EPB41L4A: variants seen among roughly 807,000 people sequenced by gnomAD.
The protein encoded by EPB41L4A is erythrocyte membrane protein band 4.1 like 4A, also known as band 4.1-like protein 4A.
A neutral mutation model predicts 108.6 loss-of-function variants in EPB41L4A; 100 were observed. The ratio of observed to expected loss-of-function variants is 0.92; its 90% CI spans 0.78 to 1.09. EPB41L4A has a LOEUF of 1.09. EPB41L4A is among the 50% of genes least tolerant of loss of function. The probability of loss-of-function intolerance (pLI) is 0.00; values close to 1 mark genes in which losing one functional copy is unlikely to be tolerated. For synonymous variants in EPB41L4A, 319 were observed against 289.0 expected, an observed-to-expected ratio of 1.10 and a Z score of -1.05; for missense variants, 1,030 against 842.7, an observed-to-expected ratio of 1.22 and a Z score of -2.75.
intron 1 of EPB41L4A, among the ~76,000 whole-genome samples, chr5:112,414,026 T>C (rs1167588811): frequency 1.3e-5 from 2 of 152,226 alleles, no homozygotes; most frequent in African/African-American, 4.8e-5. Context: ...CTGTACATCA[T>C]TTCTCTTCAT....
At chr5:112,419,451 A>C, upstream of EPB41L4A, 1 of 358,226 alleles carries the variant, frequency 2.8e-6, no homozygotes, top group Non-Finnish European at 5.5e-6. Context: ...GCCTTGGAAA[A>C]CCCTGGAAGC....
At chr5:112,374,994 A>G (rs990466297) in intron 1 of EPB41L4A, among the ~76,000 whole-genome samples, 1 of 152,180 alleles carries the variant, frequency 6.6e-6, no homozygotes, top group Non-Finnish European at 1.5e-5. Context: ...AACTCCAGCT[A>G]CACGTAACAA....
chr5:112,184,503 T>C (rs1478779092), intron 17 of EPB41L4A, among the ~76,000 whole-genome samples: 1 of 152,226 alleles, frequency 6.6e-6, no homozygotes, highest in Non-Finnish European at 1.5e-5. Flanking sequence ...TTAAATGTGC[T>C]AGTCAAAATA....
intron 7 of EPB41L4A, among the ~76,000 whole-genome samples, chr5:112,260,884 A>G (rs374076281): frequency 1.4e-4 from 22 of 152,360 alleles, no homozygotes; most frequent in South Asian, 1.0e-3. Flanking sequence ...TTCAGTTCTT[A>G]AAATTCAAAT....
At chr5:112,347,338 A>C (rs983492651) in intron 1 of EPB41L4A, among the ~76,000 whole-genome samples, 2 of 152,228 alleles carry the variant, frequency 1.3e-5, no homozygotes, top group Non-Finnish European at 2.9e-5. Flanking sequence ...TAAAAAGATA[A>C]GGAAAATGCA....
chr5:112,385,679 G>C (rs1428402287), intron 1 of EPB41L4A, among the ~76,000 whole-genome samples: 1 of 152,152 alleles, frequency 6.6e-6, no homozygotes, highest in Non-Finnish European at 1.5e-5. Flanking sequence ...AACATGTTAA[G>C]AGAGACTCCA....
At position 112,266,187 on chromosome 5, in the gene EPB41L4A, C is replaced by T. The variant is rs770668970; in HGVS notation, c.433+46G>A. On this transcript the variant is annotated intron_variant, in intron 5 of 22. Transcript: ENST00000261486. ...AAACTCCCTTTTAAAAATGCAAATA[C>T]TTTCTCCAGACATTTCTGAGGCAAA... The T allele has an allele frequency of 1.2e-5, 17 of 1,370,756 alleles. No individual in the cohort carries two copies. The African/African-American group carries it at 2.3e-4, about 19-fold the overall frequency. The allele number at this position is 1,370,756 out of a possible 1,614,324, so 84.9% of individuals were successfully genotyped here. A position where few individuals can be genotyped will look rare whatever the true frequency, so the allele number is the denominator to read the frequency against.
At chr5:112,298,377 G>A (rs912958179) in intron 2 of EPB41L4A, among the ~76,000 whole-genome samples, 9 of 152,066 alleles carry the variant, frequency 5.9e-5, no homozygotes, top group Admixed American at 5.9e-4. Context: ...CAATTTTGCT[G>A]AGGGTTTTAA....
At chr5:112,153,796 TA>T (rs1759557349) in intron 12 of EPB41L4A, among the ~76,000 whole-genome samples, 1 of 151,200 alleles carries the variant, frequency 6.6e-6, no homozygotes, top group Non-Finnish European at 1.5e-5. Context: ...AGAATATTTA[TA>T]AAAAGTAACC....
At chr5:112,389,978 A>C (rs900384807) in intron 1 of EPB41L4A, among the ~76,000 whole-genome samples, 16 of 152,216 alleles carry the variant, frequency 1.1e-4, no homozygotes, top group African/African-American at 3.6e-4. Flanking sequence ...ACCAATGCCA[A>C]ACTTCCAAAA....
chr5:112,298,110 G>C (rs1754125087), intron 2 of EPB41L4A, among the ~76,000 whole-genome samples: 1 of 152,092 alleles, frequency 6.6e-6, no homozygotes, highest in African/African-American at 2.4e-5. Context: ...GGCTACGCAG[G>C]CTCTTTTTTG....
intron 18 of EPB41L4A, among the ~76,000 whole-genome samples, chr5:112,178,728 A>C (rs1328414242): frequency 6.6e-6 from 1 of 152,064 alleles, no homozygotes; most frequent in African/African-American, 2.4e-5. Context: ...ACTGTATGAT[A>C]ACAAAAACAA....
At chr5:112,248,612 G>A (rs111846168) in intron 9 of EPB41L4A, among the ~76,000 whole-genome samples, 15 of 152,222 alleles carry the variant, frequency 9.9e-5, no homozygotes, top group African/African-American at 3.1e-4. Context: ...TCCATCATTT[G>A]TAAGAATTCA....
chr5:112,158,521 C>A, downstream of EPB41L4A: 1 of 298,890 alleles, frequency 3.3e-6, no homozygotes. Flanking sequence ...AATTTCCTCT[C>A]TCTCACTGCA....
At chr5:112,177,716 C>A (rs1760940060) in intron 18 of EPB41L4A, among the ~76,000 whole-genome samples, 1 of 152,000 alleles carries the variant, frequency 6.6e-6, no homozygotes, top group South Asian at 2.1e-4. Flanking sequence ...TCCAATGTTT[C>A]TAAATTTTAA....
intron 1 of EPB41L4A, among the ~76,000 whole-genome samples, chr5:112,379,354 C>T (rs1199421131): frequency 6.6e-6 from 1 of 152,070 alleles, no homozygotes; most frequent in Non-Finnish European, 1.5e-5. Flanking sequence ...TCTTGTATCC[C>T]ACAACAAAGC....
At chr5:112,326,976 C>A (rs1756206428) in intron 1 of EPB41L4A, among the ~76,000 whole-genome samples, 1 of 152,162 alleles carries the variant, frequency 6.6e-6, no homozygotes. Flanking sequence ...CTTCAATTAA[C>A]CCTCACGACT....
chr5:112,327,136 C>T (rs111972084), intron 1 of EPB41L4A, among the ~76,000 whole-genome samples: 2,554 of 152,172 alleles, frequency 0.017, 67 homozygotes, highest in South Asian at 0.057. Flanking sequence ...GAGCTAAAAC[C>T]CAGATATAAG....
At chr5:112,376,174 A>G (rs1309317260) in intron 1 of EPB41L4A, among the ~76,000 whole-genome samples, 1 of 152,216 alleles carries the variant, frequency 6.6e-6, no homozygotes, top group East Asian at 1.9e-4. Context: ...CGCAAAACTC[A>G]ACAGCAGAAA....
Sources: allele counts gnomAD v4.1 joint callset (sites outside exome capture counted in the v4.1 genomes callset), GRCh38; gene constraint gnomAD v4.1.1; transcripts MANE v1.5; gene names NCBI Gene and HGNC (gene_info 2026-07-23, HGNC 2026-07-21).